GAD1: variants seen among roughly 807,000 people sequenced by gnomAD.
The protein encoded by GAD1 is 67 kDa glutamic acid decarboxylase.
GAD1 carries 35 observed loss-of-function variants against 75.2 expected under a neutral mutation model. The ratio of observed to expected loss-of-function variants is 0.47; its 90% CI spans 0.36 to 0.62. GAD1 has a LOEUF of 0.62. Among genes scored for constraint, GAD1 ranks in the 20% least tolerant of loss-of-function variants. The probability of loss-of-function intolerance (pLI) is 0.00; values close to 1 mark genes in which losing one functional copy is unlikely to be tolerated. For synonymous variants in GAD1, 257 were observed against 271.9 expected, an observed-to-expected ratio of 0.95 and a Z score of 0.54; for missense variants, 490 against 758.5, an observed-to-expected ratio of 0.65 and a Z score of 4.16.
intron 15 of GAD1, among the ~76,000 whole-genome samples, chr2:170,858,408 T>C (rs902507163): frequency 6.6e-6 from 1 of 152,212 alleles, no homozygotes; most frequent in Non-Finnish European, 1.5e-5. Flanking sequence ...AAAGATTCAA[T>C]ATCAATATAA....
upstream of GAD1, among the ~76,000 whole-genome samples, chr2:170,815,879 C>A (rs1443037344): frequency 1.1e-4 from 17 of 152,210 alleles, no homozygotes; most frequent in Non-Finnish European, 1.0e-4. Context: ...GAGCGCAGGG[C>A]CTCTCCGTCT....
chr2:170,847,259 C>T (rs1024401353), intron 10 of GAD1, among the ~76,000 whole-genome samples: 4 of 152,218 alleles, frequency 2.6e-5, no homozygotes, highest in African/African-American at 9.6e-5. Flanking sequence ...TCAGAACTAT[C>T]TGACCATCAT....
intron 12 of GAD1, among the ~76,000 whole-genome samples, chr2:170,852,285 C>T (rs1317877417): frequency 6.6e-6 from 1 of 152,046 alleles, no homozygotes; most frequent in Non-Finnish European, 1.5e-5. Context: ...TTATTTTGTC[C>T]TTTATTCAAT....
chr2:170,834,788 G>A (rs1174757973), intron 5 of GAD1, among the ~76,000 whole-genome samples: 3 of 141,252 alleles, frequency 2.1e-5, no homozygotes, highest in Non-Finnish European at 3.0e-5. Context: ...TTTTTGAGAT[G>A]GAGTTTCAAT....
At chr2:170,832,921 T>A (rs1472741303) in intron 5 of GAD1, among the ~76,000 whole-genome samples, 1 of 152,218 alleles carries the variant, frequency 6.6e-6, no homozygotes, top group Non-Finnish European at 1.5e-5. Context: ...CAGCTCAGAC[T>A]GTGGACTAAG....
chr2:170,813,602 GT>G (rs952724443), upstream of GAD1, among the ~76,000 whole-genome samples: 1 of 152,176 alleles, frequency 6.6e-6, no homozygotes, highest in Admixed American at 6.5e-5. Context: ...GACTGACCAC[GT>G]TTTAGGCGTG....
chr2:170,837,490 G>A (rs564184906), intron 6 of GAD1, among the ~76,000 whole-genome samples: 1 of 152,198 alleles, frequency 6.6e-6, no homozygotes, highest in Non-Finnish European at 1.5e-5. Context: ...GTCCTGTAGG[G>A]TATGGGGTAG....
chr2:170,825,368 A>T (rs1701998953), intron 3 of GAD1, among the ~76,000 whole-genome samples: 1 of 152,208 alleles, frequency 6.6e-6, no homozygotes, highest in Admixed American at 6.5e-5. Flanking sequence ...CAGTCTGGAC[A>T]ACAGCAATAC....
intron 5 of GAD1, among the ~76,000 whole-genome samples, chr2:170,834,091 C>G (rs1206326687): frequency 1.3e-5 from 2 of 152,036 alleles, no homozygotes; most frequent in Non-Finnish European, 2.9e-5. Flanking sequence ...TGCAAACATT[C>G]ATTTTTGTTC....
intron 14 of GAD1, among the ~76,000 whole-genome samples, chr2:170,855,358 G>A (rs766696042): frequency 7.3e-5 from 11 of 151,484 alleles, no homozygotes; most frequent in African/African-American, 1.5e-4. Context: ...ACAGGCATGC[G>A]CCACCATGCC....
upstream of GAD1, among the ~76,000 whole-genome samples, chr2:170,815,885 C>A (rs3762555): frequency 2.0e-5 from 3 of 152,212 alleles, no homozygotes; most frequent in Admixed American, 2.0e-4. Flanking sequence ...AGGGCCTCTC[C>A]GTCTCTGGGC....
rs1559273243 is a variant in GAD1 at position 170,829,480 on chromosome 2, T to A, written c.151T>A (p.Leu51Met). The change falls in exon 4 of 17, where the codon TTG (leucine) becomes ATG (methionine). Residue 51 changes from leucine (L) to methionine (M), a missense_variant. Leu to Met is a conservative substitution (Grantham distance 15). Coordinates refer to ENST00000358196, the MANE Select transcript of GAD1 (RefSeq NM_000817.3). ...ACCAGCTTCTTGTGCCATAGGCTTC[T>A]TGCAAAGGACCAACAGCCTGGAAGA... is the stretch of plus-strand genomic sequence containing the variant. ...RKLGLKICGF[L>M]QRTNSLEEKS... The A allele has an allele frequency of 1.2e-6, 2 of 1,613,004 alleles. No individual in the cohort carries two copies. Among genetic ancestry groups the A allele is most frequent in the African/African-American group, 2.7e-5 (2 of 74,916 alleles).
In GAD1 at chr2:170,858,833, T is replaced by C. The variant is rs1243206492; in HGVS notation, c.1551T>C (p.Tyr517=). The change falls in exon 16 of 17, where the codon TAT becomes TAC. Residue 517 remains tyrosine (Y), a synonymous_variant. Coordinates refer to ENST00000358196, the MANE Select transcript of GAD1 (RefSeq NM_000817.3). ...EPEHTNVCFW[Y]IPQSLRGVPD... is the part of the protein sequence containing the mutation. ...AGCACACAAACGTCTGTTTTTGGTA[T>C]ATTCCACAAAGCCTCAGGGGTGTGC... 3 of 1,614,096 alleles carry C rather than the reference T, an allele frequency of 1.9e-6. No homozygotes were observed. The highest frequency in any genetic ancestry group is 2.5e-6 in the Non-Finnish European group (3 of 1,180,034).
At chr2:170,840,665 G>GTA (rs1446254109) in intron 6 of GAD1, among the ~76,000 whole-genome samples, 1 of 130,348 alleles carries the variant, frequency 7.7e-6, no homozygotes, top group Non-Finnish European at 1.7e-5. Flanking sequence ...GGGAAGGGAG[G>GTA]GAGGGAGGGA....
At chr2:170,814,895 C>T (rs1318764353), upstream of GAD1, among the ~76,000 whole-genome samples, 2 of 152,150 alleles carry the variant, frequency 1.3e-5, no homozygotes, top group Non-Finnish European at 2.9e-5. Flanking sequence ...GTCTCAATCT[C>T]GTGCCACAGG....
chr2:170,851,923 A>G (rs924233099), intron 12 of GAD1, among the ~76,000 whole-genome samples: 2 of 152,176 alleles, frequency 1.3e-5, no homozygotes, highest in Admixed American at 1.3e-4. Flanking sequence ...GTCAGAGTCT[A>G]GAGTAGTCCA....
At chr2:170,839,165 G>A (rs1702443560) in intron 6 of GAD1, among the ~76,000 whole-genome samples, 1 of 152,208 alleles carries the variant, frequency 6.6e-6, no homozygotes, top group Non-Finnish European at 1.5e-5. Context: ...GATTTATTTA[G>A]TGATAATGCC....
Position 170,829,649 on chromosome 2 carries a change from C to T in GAD1, c.304+16C>T. ...TTTGCTAGAGGTAGCCCCTGCCCCA[C>T]TCCCGCCCCATGCTAGCCAGTAGAT... On this transcript the variant is annotated intron_variant, in intron 4 of 16. Coordinates refer to ENST00000358196, the MANE Select transcript of GAD1 (RefSeq NM_000817.3). The T allele has an allele frequency of 6.2e-7, 1 of 1,611,626 alleles. No homozygotes were observed. The highest frequency in any genetic ancestry group is 8.5e-7 in the Non-Finnish European group (1 of 1,179,554).
At chr2:170,851,096 C>G (rs1466600306) in intron 12 of GAD1, among the ~76,000 whole-genome samples, 1 of 152,002 alleles carries the variant, frequency 6.6e-6, no homozygotes, top group African/African-American at 2.4e-5. Context: ...AATTTTCTGT[C>G]TTTGAGTCTA....
Sources: gnomAD v4.1 joint callset for allele counts (sites outside exome capture counted in the v4.1 genomes callset) on GRCh38, gnomAD v4.1.1 for gene constraint, MANE v1.5 for transcripts, NCBI Gene and HGNC (gene_info 2026-07-23, HGNC 2026-07-21) for gene names.